ZNF138: variants seen among roughly 807,000 people sequenced by gnomAD.
ZNF138 encodes zinc finger protein 138 (clone pHZ-32).
A neutral mutation model predicts 33.0 loss-of-function variants in ZNF138; 33 were observed. The ratio of observed to expected loss-of-function variants is 1.00; its 90% confidence interval spans 0.76 to 1.34. ZNF138 has a LOEUF of 1.34. Ranked by LOEUF, ZNF138 falls within the 40% of genes most tolerant of loss-of-function variation. ZNF138 has a pLI of 0.00. For missense variants in ZNF138, 360 were observed against 370.8 expected (o/e 0.97, Z 0.24); for synonymous variants, 139 against 120.4 (o/e 1.15, Z -1.01).
Position 64,814,947 on chromosome 7 carries a change from A to G in ZNF138, c.33A>G (p.Ile11Met). 1.2e-6 allele frequency: 2 copies of G among 1,613,378 alleles called. No homozygotes were observed. The highest frequency in any genetic ancestry group is 1.7e-6 in the Non-Finnish European group (2 of 1,179,550). The change falls in exon 2 of 4, where the codon ATA becomes ATG. Residue 11 changes from isoleucine (I) to methionine (M), a missense_variant. Physicochemically the swap from Ile to Met is conservative, Grantham distance 10. Transcript: ENST00000307355. ...CACTGACATTTATGGATGTGGCCAT[A>G]GAGTTCTCTTTGGAGGAGTGGCAGT... MGPLTFMDVA[I>M]EFSLEEWQCL...
chr7:64,823,710 C>T (rs1484136256), intron 3 of ZNF138, among the ~76,000 whole-genome samples: 1 of 152,104 alleles, frequency 6.6e-6, no homozygotes, highest in Non-Finnish European at 1.5e-5. Flanking sequence ...GAGGCTGAGG[C>T]GGGTGGATCA....
chr7:64,826,469 C>T (rs567355262), intron 3 of ZNF138, among the ~76,000 whole-genome samples: 4 of 152,004 alleles, frequency 2.6e-5, no homozygotes, highest in Admixed American at 1.3e-4. Context: ...TTAGTAGAGA[C>T]GGGGTTTCTC....
chr7:64,849,114 G>A, the ZNF138 span, among the ~76,000 whole-genome samples: 6 of 152,186 alleles, frequency 3.9e-5, no homozygotes, highest in African/African-American at 1.2e-4. Flanking sequence ...CAACACTACT[G>A]TTCAGATTAT....
At chr7:64,810,403 T>C (rs1394634671) in intron 1 of ZNF138, among the ~76,000 whole-genome samples, 2 of 122,848 alleles carry the variant, frequency 1.6e-5, no homozygotes, top group African/African-American at 6.1e-5. Context: ...AGCAGTACAG[T>C]CCAGCTTCGG....
intron 1 of ZNF138, 72 bp from the exon 2 acceptor site, chr7:64,814,846 A>G: frequency 6.3e-7 from 1 of 1,582,980 alleles, no homozygotes; most frequent in Non-Finnish European, 8.6e-7. Context: ...TTTTACCTTG[A>G]GTCAAATTTA....
chr7:64,794,494 C>T lies in ZNF138; in HGVS notation c.-75C>T. On this transcript the variant is annotated 5_prime_UTR_variant, in exon 1 of 4. Transcript: ENST00000307355. ...CTGCGTCCTCTTACTCCTAGAGGCC[C>T]AGCCTCTGTGGCGCTGTGATCTGGT... 2 of 1,603,946 alleles carry T rather than the reference C, an allele frequency of 1.2e-6. No individual in the cohort carries two copies. Among genetic ancestry groups the T allele is most frequent in the Non-Finnish European group, 1.7e-6 (2 of 1,172,494 alleles).
chr7:64,845,156 T>C, the ZNF138 span, among the ~76,000 whole-genome samples: 1 of 152,228 alleles, frequency 6.6e-6, no homozygotes, highest in Admixed American at 6.5e-5. Context: ...ATAACTTAGC[T>C]CCAACTTATG....
chr7:64,860,676 G>A, the ZNF138 span, among the ~76,000 whole-genome samples: 3 of 152,158 alleles, frequency 2.0e-5, no homozygotes, highest in Non-Finnish European at 4.4e-5. Flanking sequence ...AAGGTTTTGG[G>A]CCTAATATAT....
the ZNF138 span, among the ~76,000 whole-genome samples, chr7:64,847,960 T>C: frequency 2.6e-5 from 4 of 152,176 alleles, no homozygotes; most frequent in Non-Finnish European, 5.9e-5. Context: ...TGTGAGATTA[T>C]GCTTTAAAGA....
At chr7:64,833,940 C>T (rs960008269), downstream of ZNF138, among the ~76,000 whole-genome samples, 5 of 152,158 alleles carry the variant, frequency 3.3e-5, no homozygotes, top group Admixed American at 1.3e-4. Context: ...TGGCCAGGCT[C>T]ATCTCGAACT....
At chr7:64,823,535 T>C (rs1789335727) in intron 3 of ZNF138, among the ~76,000 whole-genome samples, 1 of 152,044 alleles carries the variant, frequency 6.6e-6, no homozygotes. Context: ...AAGACATCAC[T>C]ATGTTGCCCA....
chr7:64,857,659 T>TA, the ZNF138 span, among the ~76,000 whole-genome samples: 236 of 488 alleles, frequency 0.48, 83 homozygotes, highest in African/African-American at 0.49. Flanking sequence ...AAAATAAATT[T>TA]AAAAAAAAAA....
the ZNF138 span, among the ~76,000 whole-genome samples, chr7:64,854,990 A>C: frequency 6.7e-6 from 1 of 149,570 alleles, no homozygotes; most frequent in East Asian, 1.9e-4. Context: ...GCAAATAATT[A>C]TATTGAATTA....
At chr7:64,799,322 A>C (rs768003502) in intron 1 of ZNF138, among the ~76,000 whole-genome samples, 24 of 151,888 alleles carry the variant, frequency 1.6e-4, no homozygotes, top group Non-Finnish European at 3.1e-4. Context: ...ATGCGCCACC[A>C]CGCCCAGCTG....
At position 64,814,941 on chromosome 7, in the gene ZNF138, G is replaced by A; in HGVS notation, c.27G>A (p.Val9=). ...AGGGACCACTGACATTTATGGATGTGGCCATAGAGTTCTCTTTGGAGGAGT... is the reference window on the plus strand; with the variant it reads ...AGGGACCACTGACATTTATGGATGTAGCCATAGAGTTCTCTTTGGAGGAGT... MGPLTFMD[V]AIEFSLEEWQ... is the part of the protein sequence containing the mutation. Residue 9 remains valine (V), a synonymous_variant, in exon 2 of 4, where the codon GTG becomes GTA. Transcript: ENST00000307355. 1 of 1,613,168 alleles carries A rather than the reference G, an allele frequency of 6.2e-7. No individual in the cohort carries two copies. Among genetic ancestry groups the A allele is most frequent in the Non-Finnish European group, 8.5e-7 (1 of 1,179,452 alleles).
the ZNF138 span, among the ~76,000 whole-genome samples, chr7:64,839,122 C>G: frequency 6.6e-6 from 1 of 152,190 alleles, no homozygotes; most frequent in African/African-American, 2.4e-5. Context: ...GACTATTTGC[C>G]TCGCCTCTGA....
In ZNF138 at chr7:64,832,278, C is replaced by T; in HGVS notation, c.*76C>T. 2 of 1,596,750 alleles carry T rather than the reference C, an allele frequency of 1.3e-6. No homozygotes were observed. The highest frequency in any genetic ancestry group is 8.5e-7 in the Non-Finnish European group (1 of 1,174,308). ...TGAAGAATGTGGCAAAGCCTTTAACCAGTTTTCAACCCTTATTACACATAA... is the reference window on the plus strand; with the variant it reads ...TGAAGAATGTGGCAAAGCCTTTAACTAGTTTTCAACCCTTATTACACATAA... On this transcript the variant is annotated 3_prime_UTR_variant, in exon 4 of 4. Transcript: ENST00000307355.
chr7:64,816,940 A>T (rs868185374), intron 3 of ZNF138, among the ~76,000 whole-genome samples: 1 of 152,198 alleles, frequency 6.6e-6, no homozygotes, highest in African/African-American at 2.4e-5. Flanking sequence ...GCTTGTTACA[A>T]CGGGCTTGGG....
At chr7:64,806,835 C>G (rs186372443) in intron 1 of ZNF138, among the ~76,000 whole-genome samples, 3 of 152,208 alleles carry the variant, frequency 2.0e-5, no homozygotes, top group Non-Finnish European at 4.4e-5. Context: ...TTTCTGGCAA[C>G]CTTTTATCAG....
Sources: allele counts gnomAD v4.1 joint callset (sites outside exome capture counted in the v4.1 genomes callset), GRCh38; gene constraint gnomAD v4.1.1; transcripts MANE v1.5; gene names NCBI Gene and HGNC (gene_info 2026-07-23, HGNC 2026-07-21).